The following ERC2 variants were observed in gnomAD, a reference collection of about 807,000 sequenced individuals.
ERC2 encodes ELKS/RAB6-interacting/CAST family member 2, also known as ERC protein 2.
A neutral mutation model predicts 114.8 loss-of-function variants in ERC2; 42 were observed. The ratio of observed to expected loss-of-function variants is 0.37; its 90% CI spans 0.29 to 0.47. ERC2 has a LOEUF of 0.47. Ranked by LOEUF, ERC2 falls within the 20% of genes least tolerant of loss-of-function variation. ERC2 has a pLI of 0.99. For missense variants in ERC2, 939 were observed against 1,150.7 expected (o/e 0.82, Z 2.66); for synonymous variants, 454 against 425.5 (o/e 1.07, Z -0.82).
At chr3:56,268,513 A>G (rs1480269592) in intron 3 of ERC2, among the ~76,000 whole-genome samples, 5 of 152,176 alleles carry the variant, frequency 3.3e-5, no homozygotes, top group Non-Finnish European at 5.9e-5. Flanking sequence ...TCTAAAATAC[A>G]TATTTGTTCT....
chr3:56,286,769 TAAA>T (rs11457394), intron 3 of ERC2, among the ~76,000 whole-genome samples: 2 of 146,436 alleles, frequency 1.4e-5, no homozygotes, highest in South Asian at 2.2e-4. Context: ...CCAGGCCATT[TAAA>T]AAAAAAAAAA....
chr3:56,358,782 A>G (rs1402699163), intron 2 of ERC2, among the ~76,000 whole-genome samples: 1 of 152,200 alleles, frequency 6.6e-6, no homozygotes, highest in Non-Finnish European at 1.5e-5. Context: ...TTGCCTCATG[A>G]GCTTGTTGTG....
intron 14 of ERC2, among the ~76,000 whole-genome samples, chr3:55,830,403 G>T (rs187184048): frequency 2.1e-4 from 32 of 152,272 alleles, no homozygotes; most frequent in Admixed American, 1.3e-3. Flanking sequence ...AAATATCTTG[G>T]AAATATAATG....
chr3:56,126,348 A>C (rs2079862663), intron 6 of ERC2, among the ~76,000 whole-genome samples: 1 of 152,236 alleles, frequency 6.6e-6, no homozygotes. Flanking sequence ...TGAAGAACAT[A>C]AACCATGTGA....
intron 3 of ERC2, among the ~76,000 whole-genome samples, chr3:56,255,406 C>T (rs982358870): frequency 2.0e-5 from 3 of 152,180 alleles, no homozygotes; most frequent in Non-Finnish European, 4.4e-5. Flanking sequence ...GCTCAAGACC[C>T]CGCAGCTGCT....
chr3:56,341,870 G>C (rs1010417015), intron 2 of ERC2, among the ~76,000 whole-genome samples: 1 of 152,142 alleles, frequency 6.6e-6, no homozygotes, highest in Admixed American at 6.5e-5. Context: ...CCACATGCAG[G>C]ATTCGAGATC....
At chr3:56,041,106 A>G (rs2075164206) in intron 7 of ERC2, among the ~76,000 whole-genome samples, 1 of 152,004 alleles carries the variant, frequency 6.6e-6, no homozygotes, top group African/African-American at 2.4e-5. Flanking sequence ...TTTTTCTTGT[A>G]TGACAGGTTT....
At chr3:56,177,975 C>G (rs934247521) in intron 3 of ERC2, among the ~76,000 whole-genome samples, 1 of 152,082 alleles carries the variant, frequency 6.6e-6, no homozygotes, top group Non-Finnish European at 1.5e-5. Flanking sequence ...GACATCAAAC[C>G]CCACATTATA....
chr3:55,830,129 G>A (rs771726133), intron 14 of ERC2, among the ~76,000 whole-genome samples: 1 of 152,164 alleles, frequency 6.6e-6, no homozygotes, highest in African/African-American at 2.4e-5. Flanking sequence ...AACAATGACT[G>A]AAATGACTGT....
chr3:55,574,393 G>A (rs553893320), intron 17 of ERC2, among the ~76,000 whole-genome samples: 2 of 152,196 alleles, frequency 1.3e-5, no homozygotes, highest in African/African-American at 4.8e-5. Context: ...TCATCTGGCC[G>A]ATGCATGAGG....
At position 56,149,878 on chromosome 3, in the gene ERC2, C is replaced by T. The variant is rs1345966906; in HGVS notation, c.1150-746G>A. ...TGTGGAATTAATTGGGAAAAAATTA[C>T]CAATGACAGACTCTATACACAAGGT... On this transcript the variant is annotated intron_variant, in intron 4 of 17. Transcript: ENST00000288221. 3.9e-5 allele frequency among the ~76,000 whole-genome samples: 6 copies of T among 152,018 alleles called. No individual in the cohort carries two copies. The East Asian group carries it at 1.2e-3, about 29-fold the overall frequency.
chr3:55,754,278 T>A (rs1270505496), intron 14 of ERC2, among the ~76,000 whole-genome samples: 1 of 152,096 alleles, frequency 6.6e-6, no homozygotes, highest in Non-Finnish European at 1.5e-5. Flanking sequence ...TTTCTAGTGT[T>A]TACCATGGTA....
chr3:55,833,908 G>A (rs2060739624), intron 14 of ERC2, among the ~76,000 whole-genome samples: 1 of 151,978 alleles, frequency 6.6e-6, no homozygotes, highest in South Asian at 2.1e-4. Context: ...TAAAAGGATG[G>A]AGGAAGATCT....
chr3:55,871,551 G>A (rs956710391), intron 14 of ERC2, among the ~76,000 whole-genome samples: 2 of 152,184 alleles, frequency 1.3e-5, no homozygotes, highest in African/African-American at 4.8e-5. Flanking sequence ...TCTGAAAGTT[G>A]TTTCTTCAAA....
intron 17 of ERC2, among the ~76,000 whole-genome samples, chr3:55,663,434 C>A (rs1466316442): frequency 6.6e-6 from 1 of 152,224 alleles, no homozygotes; most frequent in Non-Finnish European, 1.5e-5. Flanking sequence ...TTCTGGCAAT[C>A]TGTAAGTGGC....
At chr3:56,445,668 C>G (rs772101886) in intron 1 of ERC2, among the ~76,000 whole-genome samples, 5 of 152,176 alleles carry the variant, frequency 3.3e-5, no homozygotes, top group African/African-American at 1.2e-4. Context: ...CAACAGCCCC[C>G]GCCTCCCCTC....
chr3:56,329,242 G>A (rs2057499298), intron 2 of ERC2, among the ~76,000 whole-genome samples: 3 of 152,224 alleles, frequency 2.0e-5, no homozygotes, highest in Admixed American at 1.3e-4. Context: ...GTTAAGAAAT[G>A]CCTTTATTGT....
chr3:55,725,157 T>A (rs1009537124), intron 15 of ERC2, among the ~76,000 whole-genome samples: 15 of 152,156 alleles, frequency 9.9e-5, no homozygotes, highest in African/African-American at 3.6e-4. Context: ...TGCTTCAAGT[T>A]ACTGAAGCAA....
intron 14 of ERC2, among the ~76,000 whole-genome samples, chr3:55,776,485 G>A (rs1329275317): frequency 6.6e-6 from 1 of 152,212 alleles, no homozygotes; most frequent in Admixed American, 6.5e-5. Context: ...CTAAGAAGGA[G>A]CAGGTCCAGG....
Sources: gnomAD v4.1 joint callset for allele counts (sites outside exome capture counted in the v4.1 genomes callset) on GRCh38, gnomAD v4.1.1 for gene constraint, MANE v1.5 for transcripts, NCBI Gene and HGNC (gene_info 2026-07-23, HGNC 2026-07-21) for gene names.